Variants in PRKG1 observed in about 807,000 individuals in gnomAD.
The protein encoded by PRKG1 is cGMP-dependent protein kinase 1.
A neutral mutation model predicts 88.1 loss-of-function variants in PRKG1; 35 were observed. That is an observed-to-expected ratio of 0.40 (90% CI 0.30 to 0.53). The LOEUF (loss-of-function observed/expected upper bound fraction) is 0.53. PRKG1 is among the 20% of genes least tolerant of loss of function. PRKG1 has a pLI of 0.59. For synonymous variants in PRKG1, 303 were observed against 292.5 expected (o/e 1.04, Z -0.37); for missense variants, 540 against 839.8 (o/e 0.64, Z 4.41).
chr10:51,030,156 TGTATTTATCTTTA>T (rs1398300905), intron 1 of PRKG1, among the ~76,000 whole-genome samples: 1 of 152,140 alleles, frequency 6.6e-6, no homozygotes, highest in Non-Finnish European at 1.5e-5. Flanking sequence ...AATTGAACAC[TGTATTTATCTTTA>T]GGGTCAAATA....
chr10:52,056,890 G>A (rs1846123507), intron 6 of PRKG1, among the ~76,000 whole-genome samples: 2 of 152,092 alleles, frequency 1.3e-5, no homozygotes, highest in Non-Finnish European at 2.9e-5. Flanking sequence ...AGCAGAAGGT[G>A]AGGTCAGCAT....
At chr10:51,197,212 CAA>C (rs781548165) in intron 2 of PRKG1, among the ~76,000 whole-genome samples, 1 of 152,000 alleles carries the variant, frequency 6.6e-6, no homozygotes, top group Non-Finnish European at 1.5e-5. Context: ...AGGAAGGTTT[CAA>C]AAAGGAAATA....
At chr10:51,801,441 A>G (rs1421640019) in intron 3 of PRKG1, among the ~76,000 whole-genome samples, 1 of 152,138 alleles carries the variant, frequency 6.6e-6, no homozygotes, top group East Asian at 1.9e-4. Flanking sequence ...TTTGGCATGG[A>G]TAATAGTTTG....
intron 3 of PRKG1, among the ~76,000 whole-genome samples, chr10:51,672,134 C>A (rs1208617190): frequency 6.7e-6 from 1 of 150,358 alleles, no homozygotes; most frequent in African/African-American, 2.4e-5. Context: ...TTTTTTTTTA[C>A]CTATTTCTTA....
chr10:51,196,998 T>C (rs74133533), intron 2 of PRKG1, among the ~76,000 whole-genome samples: 8,081 of 152,212 alleles, frequency 0.053, 402 homozygotes, highest in African/African-American at 0.13. Context: ...CTGTTCTGCT[T>C]GTGTTCTGAT....
chr10:52,223,156 G>T (rs1258757377), intron 9 of PRKG1, among the ~76,000 whole-genome samples: 1 of 152,026 alleles, frequency 6.6e-6, no homozygotes, highest in East Asian at 1.9e-4. Flanking sequence ...TCCCTGCTTT[G>T]ACTGCTAATC....
At chr10:51,765,708 A>G (rs1314000793) in intron 3 of PRKG1, among the ~76,000 whole-genome samples, 2 of 151,976 alleles carry the variant, frequency 1.3e-5, no homozygotes, top group East Asian at 1.9e-4. Context: ...ATCTACCTCC[A>G]TAGTCAACTG....
intron 3 of PRKG1, among the ~76,000 whole-genome samples, chr10:51,516,955 C>A (rs1288484902): frequency 6.6e-6 from 1 of 151,954 alleles, no homozygotes; most frequent in Non-Finnish European, 1.5e-5. Context: ...AATTAAGGAA[C>A]CTATTTTATA....
chr10:52,082,532 C>G (rs922521864), intron 7 of PRKG1, among the ~76,000 whole-genome samples: 1 of 152,096 alleles, frequency 6.6e-6, no homozygotes, highest in African/African-American at 2.4e-5. Context: ...GAAAGAGATG[C>G]AAATTGTCTC....
At chr10:52,293,455 T>A (rs577423697) in intron 17 of PRKG1, among the ~76,000 whole-genome samples, 6 of 152,150 alleles carry the variant, frequency 3.9e-5, no homozygotes, top group African/African-American at 1.4e-4. Flanking sequence ...CATCGCCAAG[T>A]CAATCCTGAG....
chr10:51,087,431 A>G (rs1844281719), intron 1 of PRKG1, among the ~76,000 whole-genome samples: 2 of 152,194 alleles, frequency 1.3e-5, no homozygotes, highest in Admixed American at 1.3e-4. Flanking sequence ...AGTTTTTCAT[A>G]TGGAGAAAAT....
chr10:51,968,344 C>T (rs573992688), intron 5 of PRKG1, among the ~76,000 whole-genome samples: 1 of 152,060 alleles, frequency 6.6e-6, no homozygotes, highest in South Asian at 2.1e-4. Flanking sequence ...GCTATGTAGG[C>T]ACAGCAAGGA....
intron 1 of PRKG1, among the ~76,000 whole-genome samples, chr10:51,106,211 A>T (rs1036265177): frequency 5.9e-5 from 9 of 152,178 alleles, no homozygotes; most frequent in Non-Finnish European, 1.0e-4. Flanking sequence ...AATACTATAC[A>T]CCTCACAGGA....
intron 10 of PRKG1, chr10:52,252,978 T>C (rs1322767757): frequency 1.3e-5 from 2 of 152,068 alleles, no homozygotes; most frequent in East Asian, 3.9e-4. Context: ...CTAATAAAGA[T>C]TCATTAACAG....
intron 2 of PRKG1, among the ~76,000 whole-genome samples, chr10:51,260,246 G>A (rs1303032688): frequency 6.6e-6 from 1 of 152,074 alleles, no homozygotes; most frequent in African/African-American, 2.4e-5. Flanking sequence ...GGAATAGAAA[G>A]CATTTATTAA....
intron 5 of PRKG1, among the ~76,000 whole-genome samples, chr10:51,961,025 C>T (rs1301543760): frequency 6.6e-6 from 1 of 151,756 alleles, no homozygotes; most frequent in Admixed American, 6.6e-5. Flanking sequence ...CTATTAAGTG[C>T]CAAAAAAGGC....
chr10:51,896,860 C>T (rs918798014), intron 4 of PRKG1, among the ~76,000 whole-genome samples: 2 of 151,962 alleles, frequency 1.3e-5, no homozygotes, highest in African/African-American at 4.8e-5. Context: ...TATTTTGTAT[C>T]TCAGGAGTGG....
intron 1 of PRKG1, among the ~76,000 whole-genome samples, chr10:51,021,087 A>G (rs1196561581): frequency 1.3e-5 from 2 of 152,160 alleles, no homozygotes; most frequent in African/African-American, 2.4e-5. Flanking sequence ...GAAGATCCCC[A>G]TAAAAATGTG....
chr10:51,509,505 G>T (rs1235917366), intron 3 of PRKG1, among the ~76,000 whole-genome samples: 1 of 152,270 alleles, frequency 6.6e-6, no homozygotes, highest in South Asian at 2.1e-4. Flanking sequence ...TGGTAGCAGA[G>T]GTTATAAAAT....
Sources: gnomAD v4.1 joint callset for allele counts (sites outside exome capture counted in the v4.1 genomes callset) on GRCh38, gnomAD v4.1.1 for gene constraint, MANE v1.5 for transcripts, NCBI Gene and HGNC (gene_info 2026-07-23, HGNC 2026-07-21) for gene names.